Variants in NRXN3 observed in about 807,000 individuals in gnomAD.
The protein encoded by NRXN3 is neurexin III.
In NRXN3, 32 loss-of-function variants were observed where a neutral mutation model predicts 137.6. The ratio of observed to expected loss-of-function variants is 0.23; its 90% CI spans 0.18 to 0.31. The LOEUF (loss-of-function observed/expected upper bound fraction) is 0.31, where lower values mean the gene tolerates loss of function less well. Ranked by LOEUF, NRXN3 falls within the 10% of genes least tolerant of loss-of-function variation. NRXN3 has a pLI of 1.00. For synonymous variants in NRXN3, 798 were observed against 784.5 expected, an observed-to-expected ratio of 1.02 and a Z score of -0.29; for missense variants, 1,574 against 2,062.5, an observed-to-expected ratio of 0.76 and a Z score of 4.59.
At position 79,311,657 on chromosome 14, in the gene NRXN3, T is replaced by C. The variant is rs554698324; in HGVS notation, c.3263-155564T>C. On this transcript the variant is annotated intron_variant, in intron 15 of 20. Transcript: ENST00000335750. ...GAAATTCAACTTCTTCCTGGTTTAG[T>C]CTTGGGAGAGTGTATGTGTCGAGGA... Among the ~76,000 whole-genome samples, 18 of 122,146 alleles carry C rather than the reference T, an allele frequency of 1.5e-4. 3 individuals carry two copies. In the East Asian group the frequency reaches 5.0e-3, roughly 34 times the overall value. 80.1% of individuals were successfully genotyped at this position (122,146 alleles called of 152,430 possible).
intron 15 of NRXN3, among the ~76,000 whole-genome samples, chr14:79,160,700 C>T (rs548166212): frequency 1.1e-4 from 16 of 151,858 alleles, no homozygotes; most frequent in Non-Finnish European, 1.9e-4. Flanking sequence ...CTGCAATTTA[C>T]TGCTTTTAAC....
At chr14:79,607,807 T>C (rs2098041416) in intron 16 of NRXN3, among the ~76,000 whole-genome samples, 1 of 151,804 alleles carries the variant, frequency 6.6e-6, no homozygotes. Flanking sequence ...GCCTCCTGAG[T>C]AGCTGGAACT....
chr14:79,633,173 C>T (rs221480), intron 16 of NRXN3: 21,833 of 152,108 alleles, frequency 0.14, 2,147 homozygotes, highest in African/African-American at 0.27. Context: ...GTTCTGAAAC[C>T]TAGGTCTAGG....
At chr14:79,313,923 T>C (rs1217683195) in intron 15 of NRXN3, 1 of 141,994 alleles carries the variant, frequency 7.0e-6, no homozygotes, top group Non-Finnish European at 1.5e-5. Flanking sequence ...TCTGAAGCCT[T>C]CTTCTCTCAG....
intron 16 of NRXN3, among the ~76,000 whole-genome samples, chr14:79,536,881 CTG>C (rs1193320142): frequency 6.6e-6 from 1 of 152,036 alleles, no homozygotes; most frequent in Admixed American, 6.6e-5. Context: ...TAGGTTGATT[CTG>C]TGTCTTTGCT....
chr14:79,222,390 T>C lies in NRXN3; in HGVS notation c.3262+234249T>C, dbSNP rs559504612. 3.3e-5 allele frequency among the ~76,000 whole-genome samples: 5 copies of C among 152,164 alleles called. No homozygotes were observed. The South Asian group carries it at 1.0e-3, about 31-fold the overall frequency. On this transcript the variant is annotated intron_variant, in intron 15 of 20. Transcript: ENST00000335750. ...CTGACTGCTGAATAATGTTCCCTTG[T>C]CTGGATGTACCACAGTTTATTTATT...
intron 16 of NRXN3, among the ~76,000 whole-genome samples, chr14:79,582,423 A>G (rs913445066): frequency 6.7e-6 from 1 of 149,714 alleles, no homozygotes; most frequent in African/African-American, 2.5e-5. Flanking sequence ...AGTTGCTTTT[A>G]TAATTATTAT....
intron 1 of NRXN3, among the ~76,000 whole-genome samples, chr14:78,229,382 C>G (rs1052381518): frequency 3.3e-5 from 5 of 151,958 alleles, no homozygotes; most frequent in Non-Finnish European, 5.9e-5. Flanking sequence ...TGTAGTGCCA[C>G]TTCCGCCACC....
intron 15 of NRXN3, among the ~76,000 whole-genome samples, chr14:79,376,214 GTATATATATATATATATATATATATATA>G (rs1159913935): frequency 0.015 from 1,079 of 71,112 alleles, 36 homozygotes; most frequent in Non-Finnish European, 0.023. Flanking sequence ...GTGTGTGTAT[GTATATATATATATATATATATATATATA>G]TATATATATA....
intron 1 of NRXN3, among the ~76,000 whole-genome samples, chr14:78,201,237 C>G (rs2061646770): frequency 1.3e-5 from 2 of 152,218 alleles, no homozygotes; most frequent in Non-Finnish European, 2.9e-5. Flanking sequence ...ATAGGAATGA[C>G]TTCTTCCTCG....
intron 15 of NRXN3, among the ~76,000 whole-genome samples, chr14:79,358,607 G>GAAAGAAGGAA (rs10667477): frequency 4.0e-4 from 32 of 79,984 alleles, no homozygotes; most frequent in African/African-American, 1.2e-3. Context: ...AAGAAAGAAA[G>GAAAGAAGGAA]AGAAAGAAAG....
At chr14:79,367,226 A>G (rs1337835916) in intron 15 of NRXN3, among the ~76,000 whole-genome samples, 1 of 152,056 alleles carries the variant, frequency 6.6e-6, no homozygotes, top group African/African-American at 2.4e-5. Flanking sequence ...CTCGTGATCC[A>G]CCAGCCTCAG....
intron 15 of NRXN3, among the ~76,000 whole-genome samples, chr14:79,164,029 T>A (rs1412816050): frequency 6.6e-6 from 1 of 151,978 alleles, no homozygotes; most frequent in Non-Finnish European, 1.5e-5. Flanking sequence ...CAGCCTTGTC[T>A]TGAACATCTT....
chr14:79,435,915 C>T (rs190512670), intron 15 of NRXN3, among the ~76,000 whole-genome samples: 4 of 152,034 alleles, frequency 2.6e-5, no homozygotes, highest in East Asian at 1.9e-4. Context: ...ATTACAGGCA[C>T]GAACCACCAC....
intron 15 of NRXN3, among the ~76,000 whole-genome samples, chr14:79,414,831 A>G (rs947073095): frequency 1.3e-5 from 2 of 152,048 alleles, no homozygotes; most frequent in Non-Finnish European, 2.9e-5. Flanking sequence ...TTATAACCTA[A>G]GTTTGTACTA....
At chr14:78,208,014 C>T (rs542228596) in intron 1 of NRXN3, among the ~76,000 whole-genome samples, 1 of 152,236 alleles carries the variant, frequency 6.6e-6, no homozygotes, top group Admixed American at 6.5e-5. Context: ...GTCAGACTGC[C>T]TAGGTTTAAA....
intron 15 of NRXN3, among the ~76,000 whole-genome samples, chr14:79,374,323 G>A (rs1209312617): frequency 6.6e-6 from 1 of 152,018 alleles, no homozygotes; most frequent in Admixed American, 6.6e-5. Flanking sequence ...TGATGGAAGC[G>A]AGGTCAGAAA....
chr14:78,170,989 G>A (rs1187645758), intron 1 of NRXN3, among the ~76,000 whole-genome samples: 4 of 99,018 alleles, frequency 4.0e-5, no homozygotes, highest in Non-Finnish European at 8.0e-5. Context: ...TCTCCTATTT[G>A]CTTGAATTGT....
intron 4 of NRXN3, among the ~76,000 whole-genome samples, chr14:78,607,862 A>G (rs2097265604): frequency 1.3e-5 from 2 of 152,080 alleles, no homozygotes; most frequent in Non-Finnish European, 2.9e-5. Flanking sequence ...TTTTTGGCCT[A>G]GGCTTTTTAA....
Sources: allele counts gnomAD v4.1 joint callset (sites outside exome capture counted in the v4.1 genomes callset), GRCh38; gene constraint gnomAD v4.1.1; transcripts MANE v1.5; gene names NCBI Gene and HGNC (gene_info 2026-07-23, HGNC 2026-07-21).